CCT2: variants seen among roughly 807,000 people sequenced by gnomAD.
CCT2 encodes T-complex protein 1 subunit beta.
A neutral mutation model predicts 61.8 loss-of-function variants in CCT2; 18 were observed. That is an observed-to-expected ratio of 0.29 (90% CI 0.20 to 0.43). The LOEUF (loss-of-function observed/expected upper bound fraction) is 0.43, where lower values mean the gene tolerates loss of function less well. CCT2 is among the 20% of genes least tolerant of loss of function. The pLI, the probability that CCT2 is intolerant of heterozygous loss-of-function variation, is 1.00. For missense variants in CCT2, 556 were observed against 656.9 expected (o/e 0.85, Z 1.68); for synonymous variants, 248 against 215.9 (o/e 1.15, Z -1.30).
chr12:69,585,463 C>T lies in CCT2; in HGVS notation c.-59C>T, dbSNP rs1281462970. 1.9e-5 allele frequency: 29 copies of T among 1,549,886 alleles called. No individual in the cohort carries two copies. The highest frequency in any genetic ancestry group is 5.9e-5 in the Admixed American group (3 of 51,156). ...GCGTCACTTCCGGCTTCCTTCAGTC[C>T]GCTGGTCCCGAGCACGAGCTGTGAG... On this transcript the variant is annotated 5_prime_UTR_variant, in exon 1 of 16. Coordinates refer to ENST00000299300, the MANE Select transcript of CCT2 (RefSeq NM_006431.3).
At chr12:69,586,003 T>C in intron 1 of CCT2, 1 of 1,347,834 alleles carries the variant, frequency 7.4e-7, no homozygotes, top group Non-Finnish European at 9.5e-7. Flanking sequence ...TCGTCTTTAG[T>C]CTCGCTGTAC....
intron 8 of CCT2, chr12:69,592,585 A>G (rs1160683569): frequency 1.0e-5 from 2 of 191,268 alleles, no homozygotes; most frequent in Middle Eastern, 2.2e-3. Flanking sequence ...ATATACACAT[A>G]TATATACGTT....
intron 14 of CCT2, among the ~76,000 whole-genome samples, chr12:69,599,057 G>T (rs532007748): frequency 7.2e-5 from 11 of 152,056 alleles, no homozygotes; most frequent in African/African-American, 2.7e-4. Context: ...TATTAATATG[G>T]GTGATCAGTA....
intron 15 of CCT2, among the ~76,000 whole-genome samples, chr12:69,600,725 T>A (rs1882124843): frequency 6.6e-6 from 1 of 152,202 alleles, no homozygotes; most frequent in African/African-American, 2.4e-5. Flanking sequence ...TGCTGTACTC[T>A]TTGATCTGTT....
chr12:69,585,931 C>T lies in CCT2; in HGVS notation c.4-339C>T, dbSNP rs527461952. 20 of 1,273,810 alleles carry T rather than the reference C, an allele frequency of 1.6e-5. No individual in the cohort carries two copies. In the African/African-American group the frequency reaches 3.0e-4, roughly 19 times the overall value. The allele number at this position is 1,273,810 out of a possible 1,614,324, so 78.9% of individuals were successfully genotyped here. A position where few individuals can be genotyped will look rare whatever the true frequency, so the allele number is the denominator to read the frequency against. On this transcript the variant is annotated intron_variant, in intron 1 of 15. Coordinates refer to ENST00000299300, the MANE Select transcript of CCT2 (RefSeq NM_006431.3). ...GAAGATGGAGGCCGCGTTCCCTCGC[C>T]CGCCCGGCAGGCGTCACCTTGATGG...
chr12:69,590,016 C>T (rs1166128033), intron 7 of CCT2, among the ~76,000 whole-genome samples: 1 of 152,194 alleles, frequency 6.6e-6, no homozygotes, highest in Admixed American at 6.5e-5. Context: ...CAGGAAGGGT[C>T]TGGGTCAGTC....
In CCT2 at chr12:69,585,476, C is replaced by CACG; in HGVS notation, c.-44_-42dup. ...CTTCCTTCAGTCCGCTGGTCCCGAG[C>CACG]ACGAGCTGTGAGGGGATTCACTTGT... On this transcript the variant is annotated 5_prime_UTR_variant, in exon 1 of 16. Transcript: ENST00000299300. 6.4e-7 allele frequency: 1 copy of CACG among 1,555,598 alleles called. No homozygotes were observed. The highest frequency in any genetic ancestry group is 8.7e-7 in the Non-Finnish European group (1 of 1,148,650).
intron 10 of CCT2, among the ~76,000 whole-genome samples, chr12:69,594,318 C>G (rs1382384367): frequency 6.6e-6 from 1 of 152,086 alleles, no homozygotes; most frequent in Non-Finnish European, 1.5e-5. Context: ...AGTACAGTTA[C>G]AATAGTAACC....
intron 14 of CCT2, 150 bp downstream of exon 14, chr12:69,598,571 ATGTG>A (rs1410878564): frequency 2.2e-6 from 1 of 456,352 alleles, no homozygotes; most frequent in Non-Finnish European, 3.9e-6. Flanking sequence ...TGCTGGGAAA[ATGTG>A]TGTGACTTTA....
Position 69,587,929 on chromosome 12 carries a change from G to A in CCT2, c.257-1G>A. The A allele has an allele frequency of 6.2e-7, 1 of 1,608,212 alleles. No homozygotes were observed. Among genetic ancestry groups the A allele is most frequent in the Non-Finnish European group, 8.5e-7 (1 of 1,175,166 alleles). Reference sequence around the variant, plus strand: ...AGTTAATAACTAATTTCTTTTTCTAGATATGTCAAGGGTTCAAGATGATGA... The same window carrying A: ...AGTTAATAACTAATTTCTTTTTCTAAATATGTCAAGGGTTCAAGATGATGA... On this transcript the variant is annotated splice_acceptor_variant, in intron 4 of 15. Transcript: ENST00000299300. LOFTEE classifies it high-confidence loss of function.
chr12:69,588,298 A>G (rs1881726411), intron 6 of CCT2, 36 bp downstream of exon 6: 2 of 1,415,112 alleles, frequency 1.4e-6, no homozygotes, highest in Admixed American at 1.7e-5. Flanking sequence ...CTAAACATTT[A>G]GTGTTCTTTC....
intron 10 of CCT2, 40 bp downstream of exon 10, chr12:69,593,653 T>C (rs772359058): frequency 1.6e-6 from 2 of 1,220,378 alleles, no homozygotes; most frequent in East Asian, 4.7e-5. Context: ...AACACAATAG[T>C]CACTCTTGAA....
chr12:69,597,068 C>T (rs901617676), intron 10 of CCT2, 88 bp from the exon 11 acceptor site: 2 of 1,186,170 alleles, frequency 1.7e-6, no homozygotes, highest in Admixed American at 4.1e-5. Context: ...AAACACATTA[C>T]CTATCATTAT....
rs1881617094 is a variant in CCT2, at chr12:69,585,519, A to T, written c.-3A>T. 7 of 1,569,304 alleles carry T rather than the reference A, an allele frequency of 4.5e-6. No individual in the cohort carries two copies. Among genetic ancestry groups the T allele is most frequent in the Non-Finnish European group, 6.1e-6 (7 of 1,156,286 alleles). ...TCACTTGTGTGCGGAACTCCTCGGA[A>T]CCATGGTGAGCCTGACTCCCCTGCC... On this transcript the variant is annotated 5_prime_UTR_variant, in exon 1 of 16. Transcript: ENST00000299300.
At position 69,585,462 on chromosome 12, in the gene CCT2, C is replaced by G; in HGVS notation, c.-60C>G. 1 of 1,549,668 alleles carries G rather than the reference C, an allele frequency of 6.5e-7. No individual in the cohort carries two copies. The highest frequency in any genetic ancestry group is 2.0e-5 in the Admixed American group (1 of 51,158). ...GGCGTCACTTCCGGCTTCCTTCAGT[C>G]CGCTGGTCCCGAGCACGAGCTGTGA... On this transcript the variant is annotated 5_prime_UTR_variant, in exon 1 of 16. Transcript: ENST00000299300.
intron 6 of CCT2, chr12:69,589,115 A>ATC: frequency 8.7e-6 from 2 of 229,234 alleles, no homozygotes; most frequent in South Asian, 5.8e-5. Flanking sequence ...TTTAGTGTAG[A>ATC]TGGGGTTTCA....
intron 10 of CCT2, among the ~76,000 whole-genome samples, chr12:69,594,136 C>T (rs1305936467): frequency 6.8e-6 from 1 of 147,324 alleles, no homozygotes; most frequent in Non-Finnish European, 1.5e-5. Flanking sequence ...GAGACCCTGT[C>T]TCAAAAAAAA....
chr12:69,586,395 C>T (rs773168153), intron 2 of CCT2, 51 bp downstream of exon 2: 4 of 1,300,466 alleles, frequency 3.1e-6, no homozygotes, highest in East Asian at 2.3e-5. Context: ...AGGCCAGGCG[C>T]GGTGGCTTAC....
intron 8 of CCT2, 87 bp downstream of exon 8, chr12:69,592,246 G>GC: frequency 8.8e-6 from 6 of 685,258 alleles, no homozygotes; most frequent in South Asian, 1.9e-5. Flanking sequence ...GGAGGCCAAG[G>GC]TGGTGGATCA....
Sources: allele counts gnomAD v4.1 joint callset (sites outside exome capture counted in the v4.1 genomes callset), GRCh38; gene constraint gnomAD v4.1.1; transcripts MANE v1.5; gene names NCBI Gene and HGNC (gene_info 2026-07-23, HGNC 2026-07-21).